SPATA16: variants seen among roughly 807,000 people sequenced by gnomAD.
SPATA16 encodes the protein spermatogenesis-associated protein 16.
SPATA16 carries 36 observed loss-of-function variants against 63.3 expected under a neutral mutation model. That is an observed-to-expected ratio of 0.57 (90% CI 0.44 to 0.75). The LOEUF is 0.75. SPATA16 is among the 30% of genes least tolerant of loss of function. The pLI is 0.00. For missense variants in SPATA16, 646 were observed against 679.3 expected, an observed-to-expected ratio of 0.95 and a Z score of 0.54; for synonymous variants, 203 against 216.7, an observed-to-expected ratio of 0.94 and a Z score of 0.56.
At chr3:173,083,840 T>C (rs1309871397) in intron 2 of SPATA16, among the ~76,000 whole-genome samples, 1 of 152,210 alleles carries the variant, frequency 6.6e-6, no homozygotes, top group Admixed American at 6.5e-5. Flanking sequence ...TACGACTGCA[T>C]AGTATTCCAT....
chr3:172,912,895 C>T (rs775453813), intron 10 of SPATA16, among the ~76,000 whole-genome samples: 15 of 152,184 alleles, frequency 9.9e-5, no homozygotes, highest in Non-Finnish European at 1.6e-4. Flanking sequence ...GAGTTCATTA[C>T]AAAAGACACG....
At chr3:172,980,493 C>T (rs1456692422) in intron 4 of SPATA16, among the ~76,000 whole-genome samples, 1 of 152,186 alleles carries the variant, frequency 6.6e-6, no homozygotes, top group East Asian at 1.9e-4. Context: ...GCTATAAGAT[C>T]ATGTTAGGCA....
chr3:173,119,799 G>A (rs1377063514), intron 1 of SPATA16, among the ~76,000 whole-genome samples: 1 of 151,962 alleles, frequency 6.6e-6, no homozygotes, highest in African/African-American at 2.4e-5. Flanking sequence ...AGGCGCGATG[G>A]CTCACGCCTG....
At chr3:173,075,572 A>G (rs1053750990) in intron 2 of SPATA16, among the ~76,000 whole-genome samples, 1 of 152,234 alleles carries the variant, frequency 6.6e-6, no homozygotes, top group Non-Finnish European at 1.5e-5. Context: ...GTACATATAC[A>G]CAATAGAATA....
chr3:173,017,013 C>CAAAAAA (rs5854498), intron 4 of SPATA16, among the ~76,000 whole-genome samples: 1 of 140,208 alleles, frequency 7.1e-6, no homozygotes, highest in Non-Finnish European at 1.6e-5. Context: ...AAGACTGTCT[C>CAAAAAA]AAAAAAAAAA....
intron 3 of SPATA16, among the ~76,000 whole-genome samples, chr3:173,026,058 T>G (rs1735446159): frequency 6.6e-6 from 1 of 152,036 alleles, no homozygotes; most frequent in South Asian, 2.1e-4. Context: ...AAAGTTCCAG[T>G]TGCTTTGCAT....
intron 2 of SPATA16, among the ~76,000 whole-genome samples, chr3:173,052,419 A>C (rs1197230527): frequency 6.6e-6 from 1 of 152,196 alleles, no homozygotes; most frequent in African/African-American, 2.4e-5. Context: ...CCTGCTGGGT[A>C]GGCTTTATGT....
chr3:173,103,261 G>A (rs554055562), intron 2 of SPATA16, among the ~76,000 whole-genome samples: 1 of 152,284 alleles, frequency 6.6e-6, no homozygotes, highest in Admixed American at 6.5e-5. Context: ...AGAAGGTGGT[G>A]GCCCCCTTTC....
At chr3:173,140,101 T>C (rs946753219) in intron 1 of SPATA16, among the ~76,000 whole-genome samples, 2 of 152,224 alleles carry the variant, frequency 1.3e-5, no homozygotes, top group African/African-American at 4.8e-5. Context: ...TGCTCATTGG[T>C]TGCTTTCTTT....
chr3:173,093,540 T>C lies in SPATA16; in HGVS notation c.612+23580A>G, dbSNP rs540590663. ...AGGCACACAATAAAAAAGTTTTGAATGACATTGAATGAAGAAATAAAAACT... is the reference window on the plus strand; with the variant it reads ...AGGCACACAATAAAAAAGTTTTGAACGACATTGAATGAAGAAATAAAAACT... On this transcript the variant is annotated intron_variant, in intron 2 of 10. Transcript: ENST00000351008. Among the ~76,000 whole-genome samples the C allele has an allele frequency of 1.4e-3, 213 of 152,240 alleles. 1 individual carries two copies. Among genetic ancestry groups the C allele is most frequent in the African/African-American group, 4.9e-3 (203 of 41,574 alleles).
chr3:173,103,755 A>G (rs917803549), intron 2 of SPATA16, among the ~76,000 whole-genome samples: 3 of 152,220 alleles, frequency 2.0e-5, no homozygotes, highest in African/African-American at 7.2e-5. Flanking sequence ...CTTGGCTATC[A>G]GCACCTAGCT....
chr3:173,029,365 C>T (rs1190043034), intron 3 of SPATA16, among the ~76,000 whole-genome samples: 2 of 150,046 alleles, frequency 1.3e-5, no homozygotes, highest in African/African-American at 5.0e-5. Context: ...GGGTCAGAGA[C>T]AAAGGACAGT....
At chr3:173,114,910 G>C (rs1737854617) in intron 2 of SPATA16, among the ~76,000 whole-genome samples, 1 of 152,154 alleles carries the variant, frequency 6.6e-6, no homozygotes, top group Non-Finnish European at 1.5e-5. Flanking sequence ...GTTTTTTTGA[G>C]ATATTCTAGC....
chr3:173,127,282 C>T (rs1392661994), intron 1 of SPATA16, among the ~76,000 whole-genome samples: 4 of 152,136 alleles, frequency 2.6e-5, no homozygotes, highest in African/African-American at 9.7e-5. Flanking sequence ...CCTCATTACC[C>T]CTTAAAGCTT....
At position 172,937,649 on chromosome 3, in the gene SPATA16, G is replaced by A. The variant is rs183595844; in HGVS notation, c.1082-12157C>T. Among the ~76,000 whole-genome samples, 567 of 152,164 alleles carry A rather than the reference G, an allele frequency of 3.7e-3. 6 individuals carry two copies. Among genetic ancestry groups the A allele is most frequent in the African/African-American group, 0.013 (551 of 41,520 alleles). ...GAAGGTGGTCCACATTGAGGGGTGG[G>A]CAAAACCGAGAAACTACTAAAACTA... On this transcript the variant is annotated intron_variant, in intron 6 of 10. Transcript: ENST00000351008.
intron 6 of SPATA16, among the ~76,000 whole-genome samples, chr3:172,937,216 C>G (rs899857408): frequency 4.6e-4 from 70 of 152,214 alleles, no homozygotes; most frequent in Non-Finnish European, 2.8e-4. Context: ...TAGAATGGCC[C>G]TGACTCACAG....
At chr3:173,122,112 C>T (rs1322786832) in intron 1 of SPATA16, among the ~76,000 whole-genome samples, 1 of 152,060 alleles carries the variant, frequency 6.6e-6, no homozygotes, top group Non-Finnish European at 1.5e-5. Context: ...AATTGATTTC[C>T]TCATAGAAAT....
intron 2 of SPATA16, among the ~76,000 whole-genome samples, chr3:173,079,076 G>A (rs114692936): frequency 2.6e-5 from 4 of 152,144 alleles, no homozygotes; most frequent in Non-Finnish European, 5.9e-5. Flanking sequence ...CATCTGTCAA[G>A]TCACCCTGAA....
chr3:173,076,638 T>A (rs1736810768), intron 2 of SPATA16, among the ~76,000 whole-genome samples: 1 of 152,008 alleles, frequency 6.6e-6, no homozygotes, highest in African/African-American at 2.4e-5. Context: ...ATAATAAAAA[T>A]TTTGAAAAAG....
Sources: gnomAD v4.1 joint callset for allele counts (sites outside exome capture counted in the v4.1 genomes callset) on GRCh38, gnomAD v4.1.1 for gene constraint, MANE v1.5 for transcripts, NCBI Gene and HGNC (gene_info 2026-07-23, HGNC 2026-07-21) for gene names.